Variants in MYO18B observed in about 807,000 individuals in gnomAD.
MYO18B encodes unconventional myosin-XVIIIb.
Under a neutral mutation model 273.0 loss-of-function variants are expected in MYO18B, and 204 were observed. The ratio of observed to expected loss-of-function variants is 0.75; its 90% CI spans 0.67 to 0.84. The LOEUF is 0.84. Among genes scored for constraint, MYO18B ranks in the 40% least tolerant of loss-of-function variants. The pLI is 0.00. For synonymous variants in MYO18B, 1,330 were observed against 1,305.7 expected, an observed-to-expected ratio of 1.02 and a Z score of -0.40; for missense variants, 3,212 against 3,287.6, an observed-to-expected ratio of 0.98 and a Z score of 0.56.
At chr22:25,748,615 C>T (rs1285404450) in intron 1 of MYO18B, among the ~76,000 whole-genome samples, 1 of 152,174 alleles carries the variant, frequency 6.6e-6, no homozygotes, top group African/African-American at 2.4e-5. Context: ...GCATTTCTGG[C>T]AGCCTTCACA....
intron 13 of MYO18B, among the ~76,000 whole-genome samples, chr22:25,824,103 G>A (rs951074587): frequency 4.7e-4 from 71 of 152,172 alleles, no homozygotes; most frequent in Non-Finnish European, 2.8e-4. Context: ...GGTGTGGTCC[G>A]CTCACTAAGG....
chr22:26,055,074 C>T, the MYO18B span, among the ~76,000 whole-genome samples: 1 of 152,156 alleles, frequency 6.6e-6, no homozygotes. Context: ...GTGACTGCCT[C>T]CTGTGTGCCA....
chr22:25,743,941 T>A (rs960155040), intron 1 of MYO18B, among the ~76,000 whole-genome samples: 2 of 152,112 alleles, frequency 1.3e-5, no homozygotes, highest in African/African-American at 4.8e-5. Flanking sequence ...AAAATGCAGA[T>A]TCCTGGGTTC....
chr22:25,965,966 CACTG>C (rs1380439891), intron 39 of MYO18B, among the ~76,000 whole-genome samples: 3 of 152,210 alleles, frequency 2.0e-5, no homozygotes, highest in Admixed American at 1.3e-4. Flanking sequence ...TCTCATCGCT[CACTG>C]ACTGTCTTTT....
chr22:25,937,585 C>CTTTT lies in MYO18B; in HGVS notation c.5518-8538_5518-8535dup, dbSNP rs68167882. ...CCATTGGTGGACCTGGCCTGACATT[C>CTTTT]TTTTTTTTTTTTTTTTTGAGATGGA... On this transcript the variant is annotated intron_variant, in intron 34 of 43. Transcript: ENST00000335473. Among the ~76,000 whole-genome samples the CTTTT allele has an allele frequency of 2.4e-3, 334 of 140,634 alleles. 2 individuals are homozygous for CTTTT. The highest frequency in any genetic ancestry group is 8.2e-3 in the African/African-American group (317 of 38,858). The allele number at this position is 140,634 out of a possible 152,430, so 92.3% of individuals were successfully genotyped here.
chr22:25,785,519 ATGTGAGTCTG>A (rs1447600057), intron 11 of MYO18B, 28 bp downstream of exon 11: 1 of 1,605,662 alleles, frequency 6.2e-7, no homozygotes, highest in East Asian at 2.2e-5. Context: ...CACGGGTGGG[ATGTGAGTCTG>A]TGTCTGGGGC....
Position 25,768,610 on chromosome 22 carries a change from A to G in MYO18B, c.694A>G (p.Lys232Glu). 1.3e-6 allele frequency: 2 copies of G among 1,524,180 alleles called. No homozygotes were observed. Among genetic ancestry groups the G allele is most frequent in the Non-Finnish European group, 1.8e-6 (2 of 1,140,422 alleles). 94.4% of individuals were successfully genotyped at this position (1,524,180 alleles called of 1,614,324 possible). ...GDPGQGTVALKKGEEGQSIVG... is the reference protein window; with the variant it reads ...GDPGQGTVALEKGEEGQSIVG... ...CCCAGGCCAAGGAACTGTGGCACTG[A>G]AAAAAGGCGAGGAGGGTCAAAGCAT... Residue 232 changes from lysine to glutamate, a missense_variant, in exon 4 of 44, where the codon AAA (lysine) becomes GAA (glutamate). Physicochemically the swap from Lys to Glu is moderately conservative, Grantham distance 56. Coordinates refer to ENST00000335473, the MANE Select transcript of MYO18B (RefSeq NM_032608.7).
At chr22:25,959,968 T>A (rs1184652276) in intron 39 of MYO18B, among the ~76,000 whole-genome samples, 1 of 152,138 alleles carries the variant, frequency 6.6e-6, no homozygotes, top group Non-Finnish European at 1.5e-5. Flanking sequence ...TGTTGATGGA[T>A]CTCCTGTCCA....
At chr22:25,759,045 C>T (rs1601607146) in intron 1 of MYO18B, among the ~76,000 whole-genome samples, 3 of 152,050 alleles carry the variant, frequency 2.0e-5, no homozygotes, top group East Asian at 1.9e-4. Context: ...TGAGCCACCG[C>T]GCCTGGCTGG....
chr22:25,797,802 G>T, intron 11 of MYO18B, 151 bp from the exon 12 acceptor site: 1 of 1,095,666 alleles, frequency 9.1e-7, no homozygotes, highest in Admixed American at 2.0e-5. Flanking sequence ...GAGTTTGTCT[G>T]TCAGTACTCC....
At chr22:25,832,888 G>C (rs765550879) in intron 15 of MYO18B, 29 bp from the exon 16 acceptor site, 1 of 1,592,662 alleles carries the variant, frequency 6.3e-7, no homozygotes, top group Non-Finnish European at 8.6e-7. Context: ...CGCTAAAAGT[G>C]CTAACTTTTA....
chr22:25,770,814 C>T, intron 5 of MYO18B, 58 bp from the exon 6 acceptor site: 1 of 1,297,252 alleles, frequency 7.7e-7, no homozygotes. Context: ...CGCCTCTTTC[C>T]CCTCTTCCCC....
Position 26,027,498 on chromosome 22 carries a change from G to A in MYO18B, c.7524G>A (p.Ser2508=), listed in dbSNP as rs34068724. 3,530 of 1,613,912 alleles carry A rather than the reference G, an allele frequency of 2.2e-3. 57 individuals carry two copies. The African/African-American group carries it at 0.04, about 18-fold the overall frequency. Residue 2508 remains serine, a synonymous_variant, in exon 43 of 44, where the codon TCG becomes TCA. Transcript: ENST00000335473. This position sits in a 1 kb window ranked among gnomAD's most constrained non-coding sequence, Gnocchi z 4.1. ...PKEDPAHLSD[S]SSSSGSIVSF... is the part of the protein sequence containing the mutation. ...AGGATCCCGCTCACCTGTCTGACTC[G>A]TCCTCATCCTCCGGCTCCATCGTGT...
intron 22 of MYO18B, among the ~76,000 whole-genome samples, chr22:25,872,154 A>G (rs911022243): frequency 2.6e-5 from 4 of 152,174 alleles, no homozygotes; most frequent in Non-Finnish European, 5.9e-5. Context: ...TAGGAAACAG[A>G]GTTAGTACCA....
intron 1 of MYO18B, among the ~76,000 whole-genome samples, chr22:25,760,451 A>G (rs1198356215): frequency 2.0e-5 from 3 of 150,006 alleles, no homozygotes; most frequent in Admixed American, 2.0e-4. Context: ...AACAAATAAT[A>G]GTGGTTTCCC....
At position 25,848,898 on chromosome 22, in the gene MYO18B, C is replaced by T. The variant is rs893667308; in HGVS notation, c.3775+1246C>T. On this transcript the variant is annotated intron_variant, in intron 20 of 43. Coordinates refer to ENST00000335473, the MANE Select transcript of MYO18B (RefSeq NM_032608.7). ...GGTCACTAGTGCCCTAGTGTATGGT[C>T]GCTTCTCCCATCTCCCCCTGCTGGG... Among the ~76,000 whole-genome samples the T allele has an allele frequency of 4.6e-5, 7 of 152,222 alleles. 1 individual carries two copies. The highest frequency in any genetic ancestry group is 4.2e-4 in the South Asian group (2 of 4,816).
At chr22:25,909,667 G>A (rs530299781) in intron 32 of MYO18B, among the ~76,000 whole-genome samples, 5 of 152,196 alleles carry the variant, frequency 3.3e-5, no homozygotes, top group Admixed American at 3.3e-4. Context: ...CTCTCCTGAG[G>A]CTTTTCTCTG....
At chr22:25,763,634 T>A (rs1030554084) in intron 3 of MYO18B, among the ~76,000 whole-genome samples, 3 of 152,242 alleles carry the variant, frequency 2.0e-5, no homozygotes, top group Admixed American at 6.5e-5. Flanking sequence ...CTTCTATGCC[T>A]GTCTTAACTG....
intron 20 of MYO18B, among the ~76,000 whole-genome samples, chr22:25,847,997 C>T (rs1296382027): frequency 1.3e-5 from 2 of 151,530 alleles, no homozygotes; most frequent in Non-Finnish European, 2.9e-5. Flanking sequence ...ATGTACAGCA[C>T]GTGCAGGTTT....
Sources: gnomAD v4.1 joint callset for allele counts (sites outside exome capture counted in the v4.1 genomes callset) on GRCh38, gnomAD v4.1.1 for gene constraint, Gnocchi (gnomAD v3.1) non-coding constraint, MANE v1.5 for transcripts, NCBI Gene and HGNC (gene_info 2026-07-23, HGNC 2026-07-21) for gene names.